CSMD1: variants seen among roughly 807,000 people sequenced by gnomAD.
CSMD1 encodes the protein CUB and sushi domain-containing protein 1.
Under a neutral mutation model 417.5 loss-of-function variants are expected in CSMD1, and 213 were observed. The ratio of observed to expected loss-of-function variants is 0.51; its 90% confidence interval spans 0.46 to 0.57. The LOEUF (loss-of-function observed/expected upper bound fraction) is 0.57. CSMD1 is among the 20% of genes least tolerant of loss of function. CSMD1 has a pLI of 0.00. For missense variants in CSMD1, 6,923 were observed against 4,529.7 expected (o/e 1.53, Z -15.17); for synonymous variants, 2,862 against 1,736.8 (o/e 1.65, Z -16.11).
chr8:3,428,802 C>T lies in CSMD1; in HGVS notation c.1562-19197G>A, dbSNP rs553170808. Among the ~76,000 whole-genome samples the T allele has an allele frequency of 1.9e-3, 291 of 152,168 alleles. 4 individuals are homozygous for T. Among genetic ancestry groups the T allele is most frequent in the South Asian group, 0.011 (51 of 4,812 alleles). On this transcript the variant is annotated intron_variant, in intron 12 of 69. Coordinates refer to ENST00000635120, the MANE Select transcript of CSMD1 (RefSeq NM_033225.6). ...ACAATAGCCAAGATACGGAAAGAACCGAGGTGTCAATCAATGGATGAATAA... is the reference window on the plus strand; with the variant it reads ...ACAATAGCCAAGATACGGAAAGAACTGAGGTGTCAATCAATGGATGAATAA...
intron 21 of CSMD1, among the ~76,000 whole-genome samples, chr8:3,354,200 G>A (rs923971730): frequency 2.0e-5 from 3 of 152,060 alleles, no homozygotes; most frequent in Admixed American, 6.6e-5. Flanking sequence ...CAGTTAAATT[G>A]GATTCAAATT....
At chr8:3,830,864 G>C (rs1243863927) in intron 5 of CSMD1, among the ~76,000 whole-genome samples, 3 of 152,166 alleles carry the variant, frequency 2.0e-5, no homozygotes, top group African/African-American at 4.8e-5. Flanking sequence ...ACAGTTTTAA[G>C]TGTGTCTTCA....
intron 1 of CSMD1, among the ~76,000 whole-genome samples, chr8:4,656,435 C>A (rs1355610766): frequency 3.3e-5 from 5 of 152,014 alleles, no homozygotes; most frequent in East Asian, 3.9e-4. Context: ...ATTATATTAT[C>A]CACGTAAAGC....
chr8:4,461,116 C>G (rs991124369), intron 2 of CSMD1, among the ~76,000 whole-genome samples: 7 of 151,612 alleles, frequency 4.6e-5, no homozygotes, highest in African/African-American at 1.2e-4. Flanking sequence ...ATCTGAAAAT[C>G]TAACACTGTG....
chr8:3,384,904 T>C (rs1409872020), intron 18 of CSMD1, among the ~76,000 whole-genome samples: 1 of 122,118 alleles, frequency 8.2e-6, no homozygotes, highest in Non-Finnish European at 1.6e-5. Flanking sequence ...ATATATTATA[T>C]ATGCTTATAT....
intron 1 of CSMD1, among the ~76,000 whole-genome samples, chr8:4,886,306 A>G (rs767253578): frequency 6.6e-6 from 1 of 152,036 alleles, no homozygotes; most frequent in African/African-American, 2.4e-5. Context: ...TTGCATTTGA[A>G]TATCTAGTTG....
rs1309457314 is a variant in CSMD1, at chr8:4,403,963, T to TCACC, written c.415+15986_415+15989dup. On this transcript the variant is annotated intron_variant, in intron 3 of 69. Coordinates refer to ENST00000635120, the MANE Select transcript of CSMD1 (RefSeq NM_033225.6). Reference sequence around the variant, plus strand: ...GTGTCCTCTTTCAAAACCTTTGGCATCACCCCTAAAACTCTCCTTTCTCAG... The same window carrying TCACC: ...GTGTCCTCTTTCAAAACCTTTGGCATCACCCACCCCTAAAACTCTCCTTTCTCAG... 4.6e-5 allele frequency among the ~76,000 whole-genome samples: 7 copies of TCACC among 152,202 alleles called. No individual in the cohort carries two copies. In the East Asian group the frequency reaches 1.4e-3, roughly 29 times the overall value.
chr8:4,083,506 G>T (rs1432947926), intron 3 of CSMD1, among the ~76,000 whole-genome samples: 1 of 152,142 alleles, frequency 6.6e-6, no homozygotes, highest in East Asian at 1.9e-4. Context: ...TAGATCAATG[G>T]AACAGAACAC....
chr8:3,655,557 G>A (rs529517515), intron 7 of CSMD1, among the ~76,000 whole-genome samples: 1 of 152,006 alleles, frequency 6.6e-6, no homozygotes, highest in Non-Finnish European at 1.5e-5. Context: ...AACTGTGTAA[G>A]GTACCAAGAG....
At chr8:3,092,692 A>G (rs540524723) in intron 47 of CSMD1, among the ~76,000 whole-genome samples, 1 of 152,382 alleles carries the variant, frequency 6.6e-6, no homozygotes, top group Non-Finnish European at 1.5e-5. Flanking sequence ...AAGAAAAGAA[A>G]GCACAGTGGA....
chr8:3,141,938 C>T (rs929581510), intron 41 of CSMD1, among the ~76,000 whole-genome samples: 1 of 151,738 alleles, frequency 6.6e-6, no homozygotes, highest in African/African-American at 2.4e-5. Flanking sequence ...GCTGGGACTA[C>T]AGGCGCCCGC....
chr8:3,497,035 G>T (rs1010658471), intron 10 of CSMD1, among the ~76,000 whole-genome samples: 3 of 152,184 alleles, frequency 2.0e-5, no homozygotes, highest in Non-Finnish European at 4.4e-5. Context: ...TAAAAAATTT[G>T]TTGACCCTTG....
At chr8:3,198,565 A>G (rs1359855193) in intron 33 of CSMD1, among the ~76,000 whole-genome samples, 1 of 152,220 alleles carries the variant, frequency 6.6e-6, no homozygotes, top group Non-Finnish European at 1.5e-5. Flanking sequence ...CTACTTACAC[A>G]GGATCAGAGA....
chr8:4,031,507 G>C (rs1016830739), intron 4 of CSMD1, among the ~76,000 whole-genome samples: 2 of 152,130 alleles, frequency 1.3e-5, no homozygotes, highest in African/African-American at 2.4e-5. Flanking sequence ...CCTTCTACCA[G>C]GTTCCTCCCA....
chr8:3,895,720 G>A (rs1330306177), intron 5 of CSMD1, among the ~76,000 whole-genome samples: 3 of 152,040 alleles, frequency 2.0e-5, no homozygotes, highest in African/African-American at 7.2e-5. Context: ...CAATTTATTT[G>A]CTTGTTCTTT....
intron 5 of CSMD1, among the ~76,000 whole-genome samples, chr8:3,835,040 A>C (rs1802596985): frequency 6.6e-6 from 1 of 152,012 alleles, no homozygotes. Context: ...ACCAGTTAGA[A>C]TGGCGATCAT....
rs1307956416 is a variant in CSMD1, at chr8:3,929,683, A to G, written c.818+68220T>C. On this transcript the variant is annotated intron_variant, in intron 5 of 69. Coordinates refer to ENST00000635120, the MANE Select transcript of CSMD1 (RefSeq NM_033225.6). ...AAAAATACTATTTTTTTTTTTTGAG[A>G]TGGAGTTTCACTCTGTCTCCCAGGC... is the stretch of plus-strand genomic sequence containing the variant. Among the ~76,000 whole-genome samples, 2 of 147,746 alleles carry G rather than the reference A, an allele frequency of 1.4e-5. 1 individual carries two copies. Among genetic ancestry groups the G allele is most frequent in the African/African-American group, 5.0e-5 (2 of 39,750 alleles).
At chr8:3,472,435 G>C (rs1245628926) in intron 11 of CSMD1, among the ~76,000 whole-genome samples, 1 of 152,036 alleles carries the variant, frequency 6.6e-6, no homozygotes, top group South Asian at 2.1e-4. Context: ...CTGCTATTCT[G>C]TCTTTCCAGC....
In CSMD1 at chr8:4,013,515, G is replaced by C. The variant is rs1796379630; in HGVS notation, c.611-15405C>G. ...AGAGTCCTGTCCAGGCAGTGACCAG[G>C]CAGATGGTCACCATAGCTCTTAATT... On this transcript the variant is annotated intron_variant, in intron 4 of 69. Coordinates refer to ENST00000635120, the MANE Select transcript of CSMD1 (RefSeq NM_033225.6). 2.6e-5 allele frequency among the ~76,000 whole-genome samples: 4 copies of C among 152,250 alleles called. No homozygotes were observed. The South Asian group carries it at 8.3e-4, about 32-fold the overall frequency.
Sources: allele counts gnomAD v4.1 joint callset (sites outside exome capture counted in the v4.1 genomes callset), GRCh38; gene constraint gnomAD v4.1.1; transcripts MANE v1.5; gene names NCBI Gene and HGNC (gene_info 2026-07-23, HGNC 2026-07-21).